Variants in RUNDC3B observed in about 807,000 individuals in gnomAD.
RUNDC3B encodes the protein RUN domain containing 3B.
RUNDC3B carries 33 observed loss-of-function variants against 58.4 expected under a neutral mutation model. The ratio of observed to expected loss-of-function variants is 0.56; its 90% CI spans 0.43 to 0.75. The LOEUF (loss-of-function observed/expected upper bound fraction) is 0.75. Among genes scored for constraint, RUNDC3B ranks in the 30% least tolerant of loss-of-function variants. RUNDC3B has a pLI of 0.00. For synonymous variants in RUNDC3B, 193 were observed against 195.2 expected, an observed-to-expected ratio of 0.99 and a Z score of 0.10; for missense variants, 501 against 535.7, an observed-to-expected ratio of 0.94 and a Z score of 0.64.
intron 10 of RUNDC3B, among the ~76,000 whole-genome samples, chr7:87,821,314 T>C (rs372407276): frequency 1.6e-4 from 25 of 152,078 alleles, no homozygotes; most frequent in South Asian, 4.1e-4. Flanking sequence ...AATAAAATAC[T>C]TAGGAATCCA....
chr7:87,766,936 A>G, intron 6 of RUNDC3B, among the ~76,000 whole-genome samples: 1 of 152,110 alleles, frequency 6.6e-6, no homozygotes, highest in South Asian at 2.1e-4. Flanking sequence ...GGCTTTGTTG[A>G]TTTTTAATTT....
At chr7:87,646,258 A>C (rs889564141) in intron 1 of RUNDC3B, among the ~76,000 whole-genome samples, 7 of 152,174 alleles carry the variant, frequency 4.6e-5, no homozygotes, top group African/African-American at 1.4e-4. Context: ...TGATGATATG[A>C]AAATATATGC....
intron 2 of RUNDC3B, chr7:87,694,066 G>A (rs1269990797): frequency 9.1e-6 from 14 of 1,534,778 alleles, no homozygotes; most frequent in Non-Finnish European, 1.2e-5. Flanking sequence ...TACATTGCAT[G>A]GGTTTTGTAA....
intron 4 of RUNDC3B, among the ~76,000 whole-genome samples, chr7:87,736,883 ATATAT>A (rs1233801408): frequency 2.6e-5 from 1 of 38,078 alleles, no homozygotes; most frequent in Non-Finnish European, 4.5e-5. Flanking sequence ...ATATATATAT[ATATAT>A]ATTTTTTTTT....
chr7:87,759,913 A>G (rs1320776560), intron 6 of RUNDC3B, among the ~76,000 whole-genome samples: 1 of 152,048 alleles, frequency 6.6e-6, no homozygotes, highest in African/African-American at 2.4e-5. Context: ...CCCACCTGTT[A>G]TGTACCCATA....
At position 87,830,769 on chromosome 7, in the gene RUNDC3B, T is replaced by C. The variant is rs1838087732; in HGVS notation, c.*739T>C. The C allele has an allele frequency of 6.6e-6, 1 of 151,658 alleles. No homozygotes were observed. The highest frequency in any genetic ancestry group is 1.5e-5 in the Non-Finnish European group (1 of 67,852). 9.4% of individuals were successfully genotyped at this position (151,658 alleles called of 1,614,324 possible). A position where few individuals can be genotyped will look rare whatever the true frequency, so the allele number is the denominator to read the frequency against. On this transcript the variant is annotated 3_prime_UTR_variant, in exon 11 of 11. Transcript: ENST00000394654. ...TCTTAAAAGATTATCAATTTAAAAG[T>C]ATGATCAAGTATGCCTCAAAAACTA...
chr7:87,762,603 T>C (rs1387402676), intron 6 of RUNDC3B, among the ~76,000 whole-genome samples: 1 of 151,506 alleles, frequency 6.6e-6, no homozygotes, highest in African/African-American at 2.4e-5. Flanking sequence ...TTTCTTTTGT[T>C]TAATATTTTT....
At chr7:87,688,269 A>G (rs921481542) in intron 2 of RUNDC3B, among the ~76,000 whole-genome samples, 5 of 152,120 alleles carry the variant, frequency 3.3e-5, no homozygotes, top group Non-Finnish European at 7.4e-5. Flanking sequence ...TTGCATATGG[A>G]ATAAAATGAA....
chr7:87,785,492 T>G (rs1835162445), intron 8 of RUNDC3B, among the ~76,000 whole-genome samples: 1 of 152,168 alleles, frequency 6.6e-6, no homozygotes, highest in South Asian at 2.1e-4. Flanking sequence ...TCTGGCCCCA[T>G]AGGGTTGAAC....
chr7:87,736,197 C>G (rs139562513), intron 4 of RUNDC3B, among the ~76,000 whole-genome samples: 284 of 152,182 alleles, frequency 1.9e-3, no homozygotes, highest in African/African-American at 6.2e-3. Flanking sequence ...AATGAAATTT[C>G]TTTGGTTTAT....
intron 10 of RUNDC3B, among the ~76,000 whole-genome samples, chr7:87,823,727 G>T (rs2130969296): frequency 6.6e-6 from 1 of 151,712 alleles, no homozygotes; most frequent in Non-Finnish European, 1.5e-5. Context: ...ATCTCATCCA[G>T]GTTGCTGTAA....
At chr7:87,755,967 T>C (rs1015025283) in intron 6 of RUNDC3B, among the ~76,000 whole-genome samples, 12 of 152,130 alleles carry the variant, frequency 7.9e-5, no homozygotes, top group Non-Finnish European at 1.2e-4. Context: ...AAAAATATTG[T>C]CCTGTAAGAA....
intron 5 of RUNDC3B, among the ~76,000 whole-genome samples, chr7:87,741,121 C>A (rs1220081240): frequency 1.3e-5 from 2 of 151,700 alleles, no homozygotes; most frequent in Non-Finnish European, 2.9e-5. Flanking sequence ...AGGAGAATCG[C>A]TGGAACCCGG....
intron 8 of RUNDC3B, among the ~76,000 whole-genome samples, chr7:87,793,613 A>G (rs1026199695): frequency 2.0e-5 from 3 of 152,204 alleles, no homozygotes; most frequent in Admixed American, 2.0e-4. Context: ...AAAGCATTTG[A>G]TAACATTCAA....
At chr7:87,804,216 A>T (rs988140323) in intron 8 of RUNDC3B, among the ~76,000 whole-genome samples, 6 of 152,168 alleles carry the variant, frequency 3.9e-5, no homozygotes, top group African/African-American at 1.4e-4. Flanking sequence ...ATAGGGATAT[A>T]GTTAATGCTG....
intron 6 of RUNDC3B, among the ~76,000 whole-genome samples, chr7:87,753,573 A>T (rs1237143995): frequency 6.6e-6 from 1 of 152,186 alleles, no homozygotes; most frequent in East Asian, 1.9e-4. Context: ...TTGGGTGCAT[A>T]TATATTTAGG....
chr7:87,708,810 A>T (rs745659929), intron 3 of RUNDC3B, among the ~76,000 whole-genome samples: 6 of 152,152 alleles, frequency 3.9e-5, no homozygotes, highest in Non-Finnish European at 7.4e-5. Context: ...TAGGGATAGT[A>T]TTGTAACCTA....
intron 8 of RUNDC3B, among the ~76,000 whole-genome samples, chr7:87,793,708 C>A (rs1438862998): frequency 1.3e-5 from 2 of 151,986 alleles, no homozygotes; most frequent in Admixed American, 6.6e-5. Context: ...AAGCTATATA[C>A]AACATATCCA....
chr7:87,643,146 A>T (rs1822620005), intron 1 of RUNDC3B, among the ~76,000 whole-genome samples: 1 of 152,204 alleles, frequency 6.6e-6, no homozygotes, highest in Non-Finnish European at 1.5e-5. Context: ...ACCTCAAGCC[A>T]TCCTGTGGCT....
Sources: gnomAD v4.1 joint callset for allele counts (sites outside exome capture counted in the v4.1 genomes callset) on GRCh38, gnomAD v4.1.1 for gene constraint, MANE v1.5 for transcripts, NCBI Gene and HGNC (gene_info 2026-07-23, HGNC 2026-07-21) for gene names.